The following PDE3A variants were observed in gnomAD, a reference collection of about 807,000 sequenced individuals.
PDE3A encodes cGMP-inhibited 3',5'-cyclic phosphodiesterase 3A.
Under a neutral mutation model 98.3 loss-of-function variants are expected in PDE3A, and 43 were observed. That is an observed-to-expected ratio of 0.44 (90% CI 0.34 to 0.56). PDE3A has a LOEUF of 0.56. Ranked by LOEUF, PDE3A falls within the 20% of genes least tolerant of loss-of-function variation. PDE3A has a pLI of 0.01. For synonymous variants in PDE3A, 663 were observed against 567.9 expected (o/e 1.17, Z -2.38); for missense variants, 1,427 against 1,440.7 (o/e 0.99, Z 0.15).
chr12:20,460,828 C>T (rs1192212865), intron 1 of PDE3A, among the ~76,000 whole-genome samples: 6 of 152,168 alleles, frequency 3.9e-5, no homozygotes, highest in Non-Finnish European at 7.4e-5. Context: ...CTGCTCCCCC[C>T]TTTTCATGGC....
In PDE3A at chr12:20,598,151, TACTG is replaced by T. The variant is rs1338983378; in HGVS notation, c.1012-15288_1012-15285del. Among the ~76,000 whole-genome samples, 11 of 151,892 alleles carry T rather than the reference TACTG, an allele frequency of 7.2e-5. No homozygotes were observed. In the East Asian group the frequency reaches 7.7e-4, roughly 11 times the overall value. ...TTGATTAGTTGTAGCAAATGAAATTTACTGACTTTTATTTCTTTTTTTAATTATT... is the reference window on the plus strand; with the variant it reads ...TTGATTAGTTGTAGCAAATGAAATTTACTTTTATTTCTTTTTTTAATTATT... On this transcript the variant is annotated intron_variant, in intron 2 of 15. Transcript: ENST00000359062.
At chr12:20,566,758 AT>A (rs1216443959) in intron 2 of PDE3A, among the ~76,000 whole-genome samples, 1 of 151,946 alleles carries the variant, frequency 6.6e-6, no homozygotes, top group Admixed American at 6.6e-5. Flanking sequence ...GAACATGGCC[AT>A]TGAAGCCATG....
rs1942222235 is a variant in PDE3A, at chr12:20,552,057, CACAT to C, written c.961-4599_961-4596del. The C allele has an allele frequency of 1.2e-6, 2 of 1,612,424 alleles. No homozygotes were observed. Among genetic ancestry groups the C allele is most frequent in the East Asian group, 4.5e-5 (2 of 44,872 alleles). On this transcript the variant is annotated intron_variant, in intron 1 of 15. Transcript: ENST00000359062. The surrounding 1 kb of genome is among the most constrained non-coding windows in gnomAD (Gnocchi z 5.1). The stretch of plus-strand genomic sequence containing the variant: ...ATGACGTGGACCATGGGAATTTTTT[CACAT>C]ACACGGGTAGTGGTGGTCGAGAGCT...
chr12:20,602,368 A>G (rs995017249), intron 2 of PDE3A, among the ~76,000 whole-genome samples: 2 of 152,196 alleles, frequency 1.3e-5, no homozygotes. Context: ...ATAAAACACT[A>G]TTGTAAAATT....
At chr12:20,642,012 G>C (rs1944656271) in intron 10 of PDE3A, among the ~76,000 whole-genome samples, 1 of 151,962 alleles carries the variant, frequency 6.6e-6, no homozygotes, top group African/African-American at 2.4e-5. Flanking sequence ...CTTATCATTA[G>C]TTATAATCAG....
At chr12:20,521,311 G>A (rs1946421213) in intron 1 of PDE3A, among the ~76,000 whole-genome samples, 1 of 152,104 alleles carries the variant, frequency 6.6e-6, no homozygotes, top group Non-Finnish European at 1.5e-5. Flanking sequence ...TTTGTGGTAC[G>A]AAAGAGGAGT....
At position 20,680,314 on chromosome 12, in the gene PDE3A, C is replaced by G; in HGVS notation, c.*43C>G. The G allele has an allele frequency of 6.2e-7, 1 of 1,600,644 alleles. No individual in the cohort carries two copies. Among genetic ancestry groups the G allele is most frequent in the Non-Finnish European group, 8.5e-7 (1 of 1,170,672 alleles). ...TGTGTTTCCAAACAGATTGACTTGT[C>G]AAAGACTCTCTTCAAGCCAGCACAA... On this transcript the variant is annotated 3_prime_UTR_variant, in exon 16 of 16. Transcript: ENST00000359062.
intron 1 of PDE3A, among the ~76,000 whole-genome samples, chr12:20,532,398 G>C (rs186041106): frequency 2.0e-5 from 3 of 152,050 alleles, no homozygotes; most frequent in Admixed American, 2.0e-4. Flanking sequence ...ACTTATTTAT[G>C]TAATGATTTT....
intron 2 of PDE3A, among the ~76,000 whole-genome samples, chr12:20,570,407 CAAAAAAAAAAA>C (rs61242685): frequency 3.9e-4 from 17 of 43,356 alleles, no homozygotes; most frequent in African/African-American, 1.3e-3. Flanking sequence ...GACGCTGTCT[CAAAAAAAAAAA>C]AAAAAAAAAA....
chr12:20,370,364 A>G (rs1943446308), intron 1 of PDE3A, 120 bp downstream of exon 1: 1 of 769,358 alleles, frequency 1.3e-6, no homozygotes, highest in Admixed American at 3.5e-5. Flanking sequence ...AAACTGGTCT[A>G]ACTTCAGAAT....
chr12:20,383,029 G>C (rs1401121077), intron 1 of PDE3A, among the ~76,000 whole-genome samples: 2 of 151,928 alleles, frequency 1.3e-5, no homozygotes, highest in African/African-American at 4.8e-5. Context: ...AGCCAGATAA[G>C]GCAACAGTAG....
At chr12:20,432,416 G>A (rs957629351) in intron 1 of PDE3A, among the ~76,000 whole-genome samples, 1 of 152,088 alleles carries the variant, frequency 6.6e-6, no homozygotes, top group African/African-American at 2.4e-5. Context: ...TACATACTCT[G>A]TTGTAGACTT....
intron 1 of PDE3A, among the ~76,000 whole-genome samples, chr12:20,434,731 TATC>T (rs1944753127): frequency 6.6e-6 from 1 of 152,192 alleles, no homozygotes; most frequent in Non-Finnish European, 1.5e-5. Flanking sequence ...ATTCCCACAA[TATC>T]ATGAAGAATA....
chr12:20,637,404 TG>T (rs1176510745), intron 9 of PDE3A, among the ~76,000 whole-genome samples, 167 bp downstream of exon 9: 1 of 148,952 alleles, frequency 6.7e-6, no homozygotes, highest in Non-Finnish European at 1.5e-5. Flanking sequence ...CAAAAGAAAC[TG>T]GAACTTCAAG....
intron 1 of PDE3A, among the ~76,000 whole-genome samples, chr12:20,378,850 A>G (rs1943616812): frequency 6.6e-6 from 1 of 151,374 alleles, no homozygotes; most frequent in Non-Finnish European, 1.5e-5. Flanking sequence ...TCTGTTCTCC[A>G]TCTCTATCTA....
intron 1 of PDE3A, among the ~76,000 whole-genome samples, chr12:20,551,405 A>G (rs1477245132): frequency 1.3e-5 from 2 of 151,972 alleles, no homozygotes; most frequent in East Asian, 1.9e-4. Flanking sequence ...AAAAAAAAAA[A>G]GTCTTTAAAA....
chr12:20,496,177 G>A (rs1945915258), intron 1 of PDE3A, among the ~76,000 whole-genome samples: 1 of 152,172 alleles, frequency 6.6e-6, no homozygotes, highest in Non-Finnish European at 1.5e-5. Flanking sequence ...TGTCTCATCA[G>A]TAAGGAGGAA....
At chr12:20,516,682 A>G (rs2121134966) in intron 1 of PDE3A, among the ~76,000 whole-genome samples, 1 of 152,328 alleles carries the variant, frequency 6.6e-6, no homozygotes, top group Middle Eastern at 3.4e-3. Flanking sequence ...CTGATTCTAG[A>G]GACAGGCTCT....
intron 1 of PDE3A, among the ~76,000 whole-genome samples, chr12:20,393,568 T>C (rs376878928): frequency 1.3e-5 from 2 of 152,018 alleles, no homozygotes; most frequent in East Asian, 1.9e-4. Flanking sequence ...CCTGATTTGA[T>C]TATTACACAT....
Sources: allele counts gnomAD v4.1 joint callset (sites outside exome capture counted in the v4.1 genomes callset), GRCh38; gene constraint gnomAD v4.1.1; non-coding constraint Gnocchi (gnomAD v3.1); transcripts MANE v1.5; gene names NCBI Gene and HGNC (gene_info 2026-07-23, HGNC 2026-07-21).